Variants in SDK1 observed in about 807,000 individuals in gnomAD.
The protein encoded by SDK1 is protein sidekick-1.
A neutral mutation model predicts 245.5 loss-of-function variants in SDK1; 157 were observed. The ratio of observed to expected loss-of-function variants is 0.64; its 90% CI spans 0.56 to 0.73. The LOEUF is 0.73. Ranked by LOEUF, SDK1 falls within the 30% of genes least tolerant of loss-of-function variation. The pLI is 0.00. For missense variants in SDK1, 3,583 were observed against 3,002.3 expected (o/e 1.19, Z -4.52); for synonymous variants, 1,647 against 1,278.5 (o/e 1.29, Z -6.15).
intron 7 of SDK1, among the ~76,000 whole-genome samples, chr7:3,958,514 T>A (rs1397018114): frequency 6.6e-6 from 1 of 152,370 alleles, no homozygotes; most frequent in Non-Finnish European, 1.5e-5. Flanking sequence ...AATATGTTAA[T>A]AGGCTGTTGC....
In SDK1 at chr7:3,959,274, CAGAG is replaced by C. The variant is rs1477083336; in HGVS notation, c.1234+263_1234+266del. On this transcript the variant is annotated intron_variant, in intron 8 of 44. Coordinates refer to ENST00000404826, the MANE Select transcript of SDK1 (RefSeq NM_152744.4). ...AAAGGAAGCCCACATCTACCCCAGA[CAGAG>C]AGGGGACTCCATCATATCCTGTGGA... Among the ~76,000 whole-genome samples the C allele has an allele frequency of 7.2e-5, 11 of 152,236 alleles. No homozygotes were observed. In the East Asian group the frequency reaches 2.1e-3, roughly 29 times the overall value.
chr7:4,267,939 G>A lies in SDK1; in HGVS notation c.*2555G>A. 1 of 985,442 alleles carries A rather than the reference G, an allele frequency of 1.0e-6. No individual in the cohort carries two copies. The highest frequency in any genetic ancestry group is 1.2e-6 in the Non-Finnish European group (1 of 829,962). The allele number at this position is 985,442 out of a possible 1,614,324, so 61.0% of individuals were successfully genotyped here. A position where few individuals can be genotyped will look rare whatever the true frequency, so the allele number is the denominator to read the frequency against. Reference sequence around the variant, plus strand: ...GCTGGATGTTTCCAGGTAGATTTTGGCCTCCCAGAGCAATGCGGCATTTGA... The same window carrying A: ...GCTGGATGTTTCCAGGTAGATTTTGACCTCCCAGAGCAATGCGGCATTTGA... On this transcript the variant is annotated 3_prime_UTR_variant, in exon 45 of 45. Coordinates refer to ENST00000404826, the MANE Select transcript of SDK1 (RefSeq NM_152744.4).
At chr7:3,913,564 A>G (rs1389159120) in intron 5 of SDK1, among the ~76,000 whole-genome samples, 1 of 152,062 alleles carries the variant, frequency 6.6e-6, no homozygotes, top group Non-Finnish European at 1.5e-5. Context: ...AAGTGCTGAC[A>G]TTACAGGCGT....
At chr7:4,098,055 C>T (rs144019209) in intron 22 of SDK1, among the ~76,000 whole-genome samples, 1 of 152,176 alleles carries the variant, frequency 6.6e-6, no homozygotes, top group South Asian at 2.1e-4. Flanking sequence ...TTCTTGGTTG[C>T]TCGACTGTCC....
chr7:3,919,072 C>G (rs1350353580), intron 5 of SDK1, among the ~76,000 whole-genome samples: 2 of 152,338 alleles, frequency 1.3e-5, no homozygotes, highest in East Asian at 3.9e-4. Context: ...TATGCTATCA[C>G]TAATATAATT....
intron 1 of SDK1, among the ~76,000 whole-genome samples, chr7:3,321,168 T>TA (rs1491267894): frequency 6.6e-6 from 1 of 152,142 alleles, no homozygotes; most frequent in African/African-American, 2.4e-5. Context: ...TTTTTGAAAC[T>TA]AAAAATCCTT....
intron 4 of SDK1, among the ~76,000 whole-genome samples, chr7:3,734,159 C>G (rs1220824614): frequency 2.0e-5 from 3 of 152,140 alleles, no homozygotes; most frequent in Non-Finnish European, 4.4e-5. Context: ...CTATAGTTCC[C>G]TTACCTATAG....
chr7:3,844,416 C>T (rs1439101855), intron 5 of SDK1, among the ~76,000 whole-genome samples: 1 of 152,170 alleles, frequency 6.6e-6, no homozygotes, highest in African/African-American at 2.4e-5. Context: ...CCATCAGACC[C>T]ACCCTAAATT....
At chr7:3,887,694 T>C (rs544720342) in intron 5 of SDK1, among the ~76,000 whole-genome samples, 1 of 152,358 alleles carries the variant, frequency 6.6e-6, no homozygotes, top group African/African-American at 2.4e-5. Flanking sequence ...CTCTATGTTC[T>C]ACATCATATG....
At chr7:3,362,562 T>C (rs1476158305) in intron 1 of SDK1, among the ~76,000 whole-genome samples, 1 of 151,342 alleles carries the variant, frequency 6.6e-6, no homozygotes, top group South Asian at 2.1e-4. Flanking sequence ...AACTTAAAAA[T>C]TTTTTAAAGC....
At chr7:3,526,497 C>A (rs1214293004) in intron 1 of SDK1, among the ~76,000 whole-genome samples, 1 of 152,108 alleles carries the variant, frequency 6.6e-6, no homozygotes, top group Non-Finnish European at 1.5e-5. Flanking sequence ...ATAAAGTAAT[C>A]TGAGTATATA....
At chr7:3,321,690 C>T (rs1011222895) in intron 1 of SDK1, among the ~76,000 whole-genome samples, 1 of 140,470 alleles carries the variant, frequency 7.1e-6, no homozygotes, top group Non-Finnish European at 1.5e-5. Flanking sequence ...CTTCCTTCTT[C>T]CTTCTCCTCC....
intron 1 of SDK1, among the ~76,000 whole-genome samples, chr7:3,488,339 G>A (rs544865181): frequency 7.2e-5 from 11 of 151,902 alleles, no homozygotes; most frequent in South Asian, 2.1e-4. Context: ...CCTTACTGTC[G>A]TTATTTTCTA....
intron 5 of SDK1, among the ~76,000 whole-genome samples, chr7:3,823,106 G>T (rs1396614302): frequency 6.6e-6 from 1 of 152,148 alleles, no homozygotes; most frequent in African/African-American, 2.4e-5. Flanking sequence ...TTAGGGGTGG[G>T]GTTCACAAAA....
intron 1 of SDK1, chr7:3,476,185 A>T (rs1159979004): frequency 6.6e-6 from 1 of 152,630 alleles, no homozygotes; most frequent in Non-Finnish European, 1.5e-5. Flanking sequence ...TACGATATGC[A>T]TATGAAAACT....
At chr7:3,547,453 T>C (rs532929098) in intron 1 of SDK1, among the ~76,000 whole-genome samples, 1 of 152,358 alleles carries the variant, frequency 6.6e-6, no homozygotes, top group Admixed American at 6.5e-5. Flanking sequence ...TAACTGCCGT[T>C]ATGATTAATA....
Position 4,012,171 on chromosome 7 carries a change from A to C in SDK1, c.2356A>C (p.Met786Leu), listed in dbSNP as rs1394938860. Residue 786 changes from methionine to leucine, a missense_variant, in exon 16 of 45, where the codon ATG (methionine) becomes CTG (leucine). Coordinates refer to ENST00000404826, the MANE Select transcript of SDK1 (RefSeq NM_152744.4). ...VASGRTNQSI[M>L]VQWQPPPETE... ...CAGTGGGCGGACTAATCAGTCCATT[A>C]TGGTCCAGTGGCAGCCACCCCCAGA... 1 of 1,579,696 alleles carries C rather than the reference A, an allele frequency of 6.3e-7. No homozygotes were observed. The highest frequency in any genetic ancestry group is 8.6e-7 in the Non-Finnish European group (1 of 1,163,104).
intron 1 of SDK1, among the ~76,000 whole-genome samples, chr7:3,389,011 G>A (rs2128569407): frequency 6.6e-6 from 1 of 152,242 alleles, no homozygotes; most frequent in Middle Eastern, 3.4e-3. Context: ...TCACTGATGG[G>A]GTCAACTTTT....
At chr7:4,094,466 G>A (rs576820731) in intron 22 of SDK1, among the ~76,000 whole-genome samples, 1 of 152,246 alleles carries the variant, frequency 6.6e-6, no homozygotes, top group South Asian at 2.1e-4. Flanking sequence ...ATCCCCATGT[G>A]CTGACATTCG....
Sources: gnomAD v4.1 joint callset for allele counts (sites outside exome capture counted in the v4.1 genomes callset) on GRCh38, gnomAD v4.1.1 for gene constraint, MANE v1.5 for transcripts, NCBI Gene and HGNC (gene_info 2026-07-23, HGNC 2026-07-21) for gene names.